The following SYT17 variants were observed in gnomAD, a reference collection of about 807,000 sequenced individuals.
SYT17 encodes synaptotagmin 17, also known as synaptotagmin-17.
SYT17 carries 22 observed loss-of-function variants against 46.7 expected under a neutral mutation model. The ratio of observed to expected loss-of-function variants is 0.47; its 90% CI spans 0.34 to 0.67. The LOEUF (loss-of-function observed/expected upper bound fraction) is 0.67. Ranked by LOEUF, SYT17 falls within the 30% of genes least tolerant of loss-of-function variation. The pLI, the probability that SYT17 is intolerant of heterozygous loss-of-function variation, is 0.01. For missense variants in SYT17, 519 were observed against 612.8 expected, an observed-to-expected ratio of 0.85 and a Z score of 1.62; for synonymous variants, 251 against 248.4, an observed-to-expected ratio of 1.01 and a Z score of -0.10.
intron 7 of SYT17, among the ~76,000 whole-genome samples, chr16:19,231,523 C>CAAAAAAAAAAAAAAAAAAAA (rs143448107): frequency 4.4e-5 from 2 of 45,850 alleles, no homozygotes; most frequent in African/African-American, 7.2e-5. Flanking sequence ...AACTCCATCA[C>CAAAAAAAAAAAAAAAAAAAA]AAAAAAAAAA....
intron 3 of SYT17, among the ~76,000 whole-genome samples, chr16:19,176,278 A>G (rs898334266): frequency 1.3e-5 from 2 of 152,234 alleles, no homozygotes; most frequent in Non-Finnish European, 1.5e-5. Context: ...AAACCAGGAA[A>G]GACTCTTATT....
At chr16:19,199,045 G>A (rs1965361939) in intron 5 of SYT17, among the ~76,000 whole-genome samples, 1 of 152,226 alleles carries the variant, frequency 6.6e-6, no homozygotes, top group South Asian at 2.1e-4. Context: ...GCTTTGTTCA[G>A]AGAGGGAGAA....
intron 7 of SYT17, among the ~76,000 whole-genome samples, chr16:19,251,526 G>T (rs2142995633): frequency 6.6e-6 from 1 of 152,322 alleles, no homozygotes; most frequent in Non-Finnish European, 1.5e-5. Flanking sequence ...CCAGGACTTT[G>T]TGCCCACCAT....
Position 19,179,305 on chromosome 16 carries a change from T to C in SYT17, c.183-1086T>C, listed in dbSNP as rs555032849. ...ACCATGCCCAGCTAATTTAAAAAAT[T>C]TTTTTGTAGAAACAGAGTTCTGCCA... On this transcript the variant is annotated intron_variant, in intron 3 of 7. Transcript: ENST00000355377. Among the ~76,000 whole-genome samples the C allele has an allele frequency of 3.3e-5, 5 of 152,060 alleles. No homozygotes were observed. The East Asian group carries it at 7.8e-4, about 24-fold the overall frequency.
intron 5 of SYT17, among the ~76,000 whole-genome samples, chr16:19,206,905 G>A (rs1034280638): frequency 6.6e-6 from 1 of 152,174 alleles, no homozygotes; most frequent in African/African-American, 2.4e-5. Context: ...GTTTGGATGT[G>A]TTTCCTCTGC....
At position 19,240,288 on chromosome 16, in the gene SYT17, GTGAGCAAGACGAAGAGGAGCTTTAT is replaced by G. The variant is rs528358970; in HGVS notation, c.1228+15458_1228+15482del. On this transcript the variant is annotated intron_variant, in intron 7 of 7. Coordinates refer to ENST00000355377, the MANE Select transcript of SYT17 (RefSeq NM_016524.4). ...AATGAGGTACGCAGACAAGTGGAGG[GTGAGCAAGACGAAGAGGAGCTTTAT>G]TGAGCAATACAACAGCTCAGAGGGG... Among the ~76,000 whole-genome samples the G allele has an allele frequency of 2.8e-3, 434 of 152,300 alleles. 4 individuals are homozygous for G. Among genetic ancestry groups the G allele is most frequent in the African/African-American group, 9.7e-3 (405 of 41,566 alleles).
At chr16:19,228,199 A>C (rs1966561636) in intron 7 of SYT17, among the ~76,000 whole-genome samples, 1 of 152,146 alleles carries the variant, frequency 6.6e-6, no homozygotes, top group Admixed American at 6.5e-5. Flanking sequence ...TCAAACTACA[A>C]GGGTAGCCAC....
In SYT17 at chr16:19,230,612, C is replaced by A. The variant is rs1288299247; in HGVS notation, c.1228+5774C>A. Among the ~76,000 whole-genome samples the A allele has an allele frequency of 2.0e-5, 3 of 152,190 alleles. No homozygotes were observed. In the East Asian group the frequency reaches 5.8e-4, roughly 29 times the overall value. Reference sequence around the variant, plus strand: ...TCAGAGAAGTACCTGGATGCTGATGCTGGAACCTGGAATACTGTTCTTTTC... The same window carrying A: ...TCAGAGAAGTACCTGGATGCTGATGATGGAACCTGGAATACTGTTCTTTTC... On this transcript the variant is annotated intron_variant, in intron 7 of 7. Transcript: ENST00000355377.
At chr16:19,217,957 G>T (rs1966159881) in intron 5 of SYT17, among the ~76,000 whole-genome samples, 1 of 152,194 alleles carries the variant, frequency 6.6e-6, no homozygotes, top group Admixed American at 6.5e-5. Flanking sequence ...TGGGATTGCT[G>T]CTTAATCACC....
rs189544012 is a variant in SYT17, at chr16:19,255,377, C to A, written c.1229-11503C>A. On this transcript the variant is annotated intron_variant, in intron 7 of 7. Coordinates refer to ENST00000355377, the MANE Select transcript of SYT17 (RefSeq NM_016524.4). ...GTCCTGTGCATTGTAGGATGGGGGG[C>A]AGCATCCCTGAGCTCTACCCGCTAG... Among the ~76,000 whole-genome samples the A allele has an allele frequency of 1.6e-3, 241 of 152,254 alleles. 2 individuals carry two copies. The highest frequency in any genetic ancestry group is 5.1e-3 in the African/African-American group (210 of 41,530).
At chr16:19,223,348 C>T (rs1469537131) in intron 6 of SYT17, among the ~76,000 whole-genome samples, 183 bp downstream of exon 6, 1 of 152,174 alleles carries the variant, frequency 6.6e-6, no homozygotes, top group African/African-American at 2.4e-5. Context: ...GTTGTGATAA[C>T]TACTGGAAAC....
At chr16:19,257,469 T>C (rs975553958) in intron 7 of SYT17, among the ~76,000 whole-genome samples, 1 of 150,602 alleles carries the variant, frequency 6.6e-6, no homozygotes, top group African/African-American at 2.4e-5. Context: ...AGTGCTCCAG[T>C]GAGAAGAGGT....
intron 7 of SYT17, among the ~76,000 whole-genome samples, chr16:19,257,953 G>GT (rs11286482): frequency 1.8e-4 from 27 of 149,072 alleles, no homozygotes; most frequent in Admixed American, 3.3e-4. Context: ...TGGTAAAGAT[G>GT]TTTTTTTTTT....
At chr16:19,255,398 G>A (rs962671590) in intron 7 of SYT17, among the ~76,000 whole-genome samples, 4 of 152,232 alleles carry the variant, frequency 2.6e-5, no homozygotes, top group East Asian at 1.9e-4. Context: ...AGCTCTACCC[G>A]CTAGAGGCCA....
rs1254468142 is a variant in SYT17, at chr16:19,183,150, C to T, written c.332-378C>T. Among the ~76,000 whole-genome samples, 2 of 152,152 alleles carry T rather than the reference C, an allele frequency of 1.3e-5. No individual in the cohort carries two copies. Among genetic ancestry groups the T allele is most frequent in the Admixed American group, 1.3e-4 (2 of 15,284 alleles). ...TGGGGTCAGCTAGACCAGCCTGACCCCTGGCTCCTACACTTGCAAGTGTGT... is the reference window on the plus strand; with the variant it reads ...TGGGGTCAGCTAGACCAGCCTGACCTCTGGCTCCTACACTTGCAAGTGTGT... On this transcript the variant is annotated intron_variant, in intron 4 of 7. Coordinates refer to ENST00000355377, the MANE Select transcript of SYT17 (RefSeq NM_016524.4). This position sits in a 1 kb window ranked among gnomAD's most constrained non-coding sequence, Gnocchi z 5.6.
At chr16:19,263,037 C>CTT (rs11376928) in intron 7 of SYT17, among the ~76,000 whole-genome samples, 11,196 of 145,630 alleles carry the variant, frequency 0.077, 1,099 homozygotes, top group African/African-American at 0.22. Flanking sequence ...GTCAGATAAT[C>CTT]TTTTTTTTTT....
rs551716380 is a variant in SYT17, at chr16:19,209,646, G to A, written c.952-13399G>A. Among the ~76,000 whole-genome samples the A allele has an allele frequency of 8.6e-5, 13 of 152,034 alleles. No homozygotes were observed. In the South Asian group the frequency reaches 2.1e-3, roughly 24 times the overall value. Reference sequence around the variant, plus strand: ...AGCACTTTGGGAGACCGAGGTGGGCGGATCACAAGGTCAGGAGATCGAGAC... The same window carrying A: ...AGCACTTTGGGAGACCGAGGTGGGCAGATCACAAGGTCAGGAGATCGAGAC... On this transcript the variant is annotated intron_variant, in intron 5 of 7. Coordinates refer to ENST00000355377, the MANE Select transcript of SYT17 (RefSeq NM_016524.4).
At chr16:19,175,093 C>G (rs922368758) in intron 3 of SYT17, among the ~76,000 whole-genome samples, 9 of 152,054 alleles carry the variant, frequency 5.9e-5, no homozygotes, top group Non-Finnish European at 1.2e-4. Context: ...TGCGCCACTG[C>G]ACTCCAGCCT....
chr16:19,192,766 C>T (rs1001533200), intron 5 of SYT17, among the ~76,000 whole-genome samples: 2 of 152,102 alleles, frequency 1.3e-5, no homozygotes, highest in Non-Finnish European at 2.9e-5. Flanking sequence ...AAACTATAAA[C>T]AAGGAATATC....
Sources: gnomAD v4.1 joint callset for allele counts (sites outside exome capture counted in the v4.1 genomes callset) on GRCh38, gnomAD v4.1.1 for gene constraint, Gnocchi (gnomAD v3.1) non-coding constraint, MANE v1.5 for transcripts, NCBI Gene and HGNC (gene_info 2026-07-23, HGNC 2026-07-21) for gene names.